Variants in AKT3 observed in about 807,000 individuals in gnomAD.
AKT3 encodes RAC-gamma serine/threonine-protein kinase.
In AKT3, 15 loss-of-function variants were observed where a neutral mutation model predicts 65.3. The ratio of observed to expected loss-of-function variants is 0.23; its 90% confidence interval spans 0.15 to 0.35. The LOEUF (loss-of-function observed/expected upper bound fraction) is 0.35. Ranked by LOEUF, AKT3 falls within the 10% of genes least tolerant of loss-of-function variation. AKT3 has a pLI of 1.00. For missense variants in AKT3, 243 were observed against 576.5 expected (o/e 0.42, Z 5.92); for synonymous variants, 206 against 183.8 (o/e 1.12, Z -0.98).
intron 2 of AKT3, among the ~76,000 whole-genome samples, chr1:243,766,985 G>A (rs559434965): frequency 2.0e-5 from 3 of 152,226 alleles, no homozygotes; most frequent in Admixed American, 6.5e-5. Flanking sequence ...TACCCATGGG[G>A]AAGTTTTTTT....
intron 4 of AKT3, among the ~76,000 whole-genome samples, chr1:243,646,821 T>C (rs1353309691): frequency 1.3e-5 from 2 of 152,168 alleles, no homozygotes; most frequent in Non-Finnish European, 2.9e-5. Flanking sequence ...TTCCAGATCA[T>C]AGTAAATTTC....
intron 3 of AKT3, among the ~76,000 whole-genome samples, chr1:243,678,470 A>G (rs1683685510): frequency 6.6e-6 from 1 of 152,210 alleles, no homozygotes; most frequent in Non-Finnish European, 1.5e-5. Context: ...ATCAGTAGGA[A>G]AATTTTGCTT....
At chr1:243,802,351 T>C (rs1407403805) in intron 2 of AKT3, among the ~76,000 whole-genome samples, 2 of 152,114 alleles carry the variant, frequency 1.3e-5, no homozygotes, top group African/African-American at 4.8e-5. Context: ...GTGACGAAAA[T>C]AGCTATACAT....
At chr1:243,740,947 A>G (rs1338014076) in intron 2 of AKT3, 1 of 152,176 alleles carries the variant, frequency 6.6e-6, no homozygotes, top group East Asian at 1.9e-4. Flanking sequence ...AGGCATGTTT[A>G]TTAAGTTCTA....
chr1:243,743,867 TTGG>T (rs1688317308), intron 2 of AKT3, among the ~76,000 whole-genome samples: 1 of 152,102 alleles, frequency 6.6e-6, no homozygotes. Context: ...TCACCAAGTG[TTGG>T]TGAAGATATA....
In AKT3 at chr1:243,502,838, TAAG is replaced by T. The variant is rs1444404121; in HGVS notation, c.*2408_*2410del. On this transcript the variant is annotated 3_prime_UTR_variant, in exon 14 of 14. Coordinates refer to ENST00000673466, the MANE Select transcript of AKT3 (RefSeq NM_005465.7). ...AATGTCAGTGCCAGTCATTAATCTT[TAAG>T]AAGTGTCCTTGGCCAAGGTCATGGG... The T allele has an allele frequency of 4.3e-6, 1 of 233,144 alleles. No individual in the cohort carries two copies. Among genetic ancestry groups the T allele is most frequent in the Non-Finnish European group, 8.5e-6 (1 of 118,052 alleles). The allele number at this position is 233,144 out of a possible 1,614,324, so 14.4% of individuals were successfully genotyped here.
chr1:243,593,462 G>C (rs957888230), intron 8 of AKT3, among the ~76,000 whole-genome samples: 2 of 152,156 alleles, frequency 1.3e-5, no homozygotes, highest in African/African-American at 4.8e-5. Flanking sequence ...CTAGGTGCGT[G>C]GATCACTTGA....
At chr1:243,704,265 C>T (rs909776246) in intron 2 of AKT3, among the ~76,000 whole-genome samples, 2 of 152,056 alleles carry the variant, frequency 1.3e-5, no homozygotes, top group African/African-American at 2.4e-5. Context: ...CAAAAATACT[C>T]GGTGAGTGTC....
chr1:243,727,790 G>GA (rs1041429451), intron 2 of AKT3, among the ~76,000 whole-genome samples: 4 of 150,860 alleles, frequency 2.7e-5, no homozygotes, highest in Middle Eastern at 3.2e-3. Flanking sequence ...AGAGAACCAA[G>GA]AAAAAAAAGC....
intron 5 of AKT3, among the ~76,000 whole-genome samples, chr1:243,638,139 C>T (rs1174285845): frequency 6.6e-6 from 1 of 151,998 alleles, no homozygotes; most frequent in Non-Finnish European, 1.5e-5. Context: ...CCTAAAAAAG[C>T]AGTGCTTTGG....
intron 2 of AKT3, among the ~76,000 whole-genome samples, chr1:243,720,637 C>T (rs1406227415): frequency 6.6e-6 from 1 of 151,962 alleles, no homozygotes; most frequent in Non-Finnish European, 1.5e-5. Context: ...TTGTTAATAT[C>T]ATAATATTAT....
At chr1:243,725,952 G>A (rs1329730803) in intron 2 of AKT3, among the ~76,000 whole-genome samples, 2 of 152,144 alleles carry the variant, frequency 1.3e-5, no homozygotes, top group South Asian at 2.1e-4. Context: ...CTGGCACTTC[G>A]TAGAAGACTA....
chr1:243,746,294 A>G (rs932094472), intron 2 of AKT3, among the ~76,000 whole-genome samples: 2 of 152,196 alleles, frequency 1.3e-5, no homozygotes, highest in African/African-American at 4.8e-5. Context: ...TATTTTCATA[A>G]TATCTAAATC....
chr1:243,690,470 A>G (rs939644326), intron 3 of AKT3, among the ~76,000 whole-genome samples: 7 of 152,206 alleles, frequency 4.6e-5, no homozygotes, highest in Non-Finnish European at 1.0e-4. Flanking sequence ...CCATCAAACC[A>G]TAATTGTGAT....
chr1:243,548,569 T>C (rs201404943), intron 11 of AKT3, among the ~76,000 whole-genome samples: 2 of 152,338 alleles, frequency 1.3e-5, no homozygotes, highest in Admixed American at 6.5e-5. Flanking sequence ...CTCTCTAATA[T>C]ACAATTTAAG....
intron 2 of AKT3, among the ~76,000 whole-genome samples, chr1:243,721,708 C>T (rs1686918827): frequency 6.6e-6 from 1 of 151,512 alleles, no homozygotes; most frequent in African/African-American, 2.4e-5. Context: ...AGTTAATAAC[C>T]CTGGGAAATT....
intron 8 of AKT3, among the ~76,000 whole-genome samples, chr1:243,591,194 G>A (rs376854391): frequency 6.6e-6 from 1 of 152,132 alleles, no homozygotes; most frequent in South Asian, 2.1e-4. Context: ...GAAAAGCTAC[G>A]GAAAGAGCCA....
chr1:243,671,344 C>G (rs541625886), intron 3 of AKT3, among the ~76,000 whole-genome samples: 3 of 151,964 alleles, frequency 2.0e-5, no homozygotes. Flanking sequence ...CCTCCCAAAG[C>G]GCTGGGATTA....
At chr1:243,549,323 T>A (rs1672884500) in intron 11 of AKT3, among the ~76,000 whole-genome samples, 2 of 152,168 alleles carry the variant, frequency 1.3e-5, no homozygotes, top group Admixed American at 6.5e-5. Flanking sequence ...TCAGAGGGAT[T>A]CCTAACTCCT....
Sources: gnomAD v4.1 joint callset for allele counts (sites outside exome capture counted in the v4.1 genomes callset) on GRCh38, gnomAD v4.1.1 for gene constraint, MANE v1.5 for transcripts, NCBI Gene and HGNC (gene_info 2026-07-23, HGNC 2026-07-21) for gene names.